PAG1: variants seen among roughly 807,000 people sequenced by gnomAD.
PAG1 encodes the protein phosphoprotein associated with glycosphingolipid-enriched microdomains 1.
A neutral mutation model predicts 31.7 loss-of-function variants in PAG1; 23 were observed. The ratio of observed to expected loss-of-function variants is 0.73; its 90% CI spans 0.52 to 1.03. PAG1 has a LOEUF of 1.03. PAG1 is among the 50% of genes least tolerant of loss of function. The probability of loss-of-function intolerance (pLI) is 0.00; values close to 1 mark genes in which losing one functional copy is unlikely to be tolerated. For missense variants in PAG1, 473 were observed against 540.7 expected, an observed-to-expected ratio of 0.87 and a Z score of 1.24; for synonymous variants, 214 against 210.3, an observed-to-expected ratio of 1.02 and a Z score of -0.15.
At chr8:81,063,856 T>C (rs1009070775) in intron 2 of PAG1, among the ~76,000 whole-genome samples, 1 of 152,008 alleles carries the variant, frequency 6.6e-6, no homozygotes, top group African/African-American at 2.4e-5. Flanking sequence ...GACCCAAGGA[T>C]TATATACCCA....
chr8:81,016,976 C>A (rs1320022338), intron 3 of PAG1, among the ~76,000 whole-genome samples: 1 of 152,202 alleles, frequency 6.6e-6, no homozygotes, highest in Non-Finnish European at 1.5e-5. Flanking sequence ...TCAGTTAAAG[C>A]TCCCAGAAAA....
intron 1 of PAG1, among the ~76,000 whole-genome samples, chr8:81,101,125 T>C (rs749028068): frequency 3.9e-4 from 60 of 152,234 alleles, no homozygotes; most frequent in African/African-American, 1.1e-3. Flanking sequence ...GTAAGTTTAG[T>C]ACATCAGTGT....
chr8:81,105,590 T>G (rs563093813), intron 1 of PAG1, among the ~76,000 whole-genome samples: 11 of 152,124 alleles, frequency 7.2e-5, no homozygotes, highest in African/African-American at 2.2e-4. Context: ...AGAAAAAAAG[T>G]ATTGTGTTAT....
chr8:80,976,827 G>A lies in PAG1; in HGVS notation c.1016C>T (p.Ser339Phe). ...GTCCCCTTGAATGGAGGTGTAGGTGGACTCCGGAACTGTAAGCGACTGCCC... is the reference window on the plus strand; with the variant it reads ...GTCCCCTTGAATGGAGGTGTAGGTGAACTCCGGAACTGTAAGCGACTGCCC... ...KSGQSLTVPE[S>F]TYTSIQGDPQ... The change falls in exon 9 of 9, where the codon TCC (serine) becomes TTC (phenylalanine). Residue 339 changes from serine (S) to phenylalanine (F), a missense_variant. Transcript: ENST00000220597. 1 of 1,613,768 alleles carries A rather than the reference G, an allele frequency of 6.2e-7. No homozygotes were observed. Among genetic ancestry groups the A allele is most frequent in the Non-Finnish European group, 8.5e-7 (1 of 1,179,698 alleles).
Position 80,993,754 on chromosome 8 carries a change from C to T in PAG1, c.-80-447G>A, listed in dbSNP as rs186350588. On this transcript the variant is annotated intron_variant, in intron 3 of 8. Coordinates refer to ENST00000220597, the MANE Select transcript of PAG1 (RefSeq NM_018440.4). ...CCCCACTGCTGGGACTACAGGCATG[C>T]GCCACCATTCCTGGCTAATATTTTT... 6.2e-4 allele frequency among the ~76,000 whole-genome samples: 93 copies of T among 150,758 alleles called. No individual in the cohort carries two copies. In the East Asian group the frequency reaches 0.014, roughly 23 times the overall value.
chr8:81,024,142 C>G (rs1447416908), intron 3 of PAG1, among the ~76,000 whole-genome samples: 1 of 152,186 alleles, frequency 6.6e-6, no homozygotes, highest in East Asian at 1.9e-4. Flanking sequence ...CGTATTTAAG[C>G]TATCATTTTA....
At chr8:81,098,424 TAAAGAA>T (rs1251430008) in intron 1 of PAG1, among the ~76,000 whole-genome samples, 1 of 152,190 alleles carries the variant, frequency 6.6e-6, no homozygotes, top group Non-Finnish European at 1.5e-5. Flanking sequence ...TATCTTTCCT[TAAAGAA>T]AATTTACTCT....
chr8:80,976,671 T>A lies in PAG1; in HGVS notation c.1172A>T (p.Gln391Leu). ...CTTTTCTTCCTCTCTGTTGAGAGTC[T>A]GTATCGCTTCATAATCAGGCTCTGG... Reference protein sequence around the residue: ...EEPEPDYEAIQTLNREEEKAT... With the variant: ...EEPEPDYEAILTLNREEEKAT... The change falls in exon 9 of 9, where the codon CAG becomes CTG. Residue 391 changes from glutamine (Q) to leucine (L), a missense_variant. Coordinates refer to ENST00000220597, the MANE Select transcript of PAG1 (RefSeq NM_018440.4). 6.2e-7 allele frequency: 1 copy of A among 1,614,212 alleles called. No individual in the cohort carries two copies. Among genetic ancestry groups the A allele is most frequent in the Non-Finnish European group, 8.5e-7 (1 of 1,180,028 alleles).
intron 1 of PAG1, among the ~76,000 whole-genome samples, chr8:81,095,809 TCA>T (rs1158122803): frequency 6.6e-6 from 1 of 152,226 alleles, no homozygotes; most frequent in Non-Finnish European, 1.5e-5. Context: ...GGCAAGGTTC[TCA>T]CACTATATGT....
chr8:81,081,048 A>G (rs955499973), intron 1 of PAG1, among the ~76,000 whole-genome samples: 6 of 152,052 alleles, frequency 3.9e-5, no homozygotes, highest in South Asian at 4.1e-4. Context: ...TGGCCTCACT[A>G]CTCATCAGGG....
chr8:81,081,127 G>A (rs1181604106), intron 1 of PAG1, among the ~76,000 whole-genome samples: 4 of 151,772 alleles, frequency 2.6e-5, no homozygotes, highest in African/African-American at 9.7e-5. Flanking sequence ...ACGGTGTTTA[G>A]GAGTTAACAA....
At chr8:81,026,414 G>A (rs1387822022) in intron 3 of PAG1, among the ~76,000 whole-genome samples, 3 of 148,490 alleles carry the variant, frequency 2.0e-5, no homozygotes, top group Non-Finnish European at 3.0e-5. Flanking sequence ...AATTTCCCTC[G>A]ACCGATAAAC....
chr8:81,036,821 G>A (rs886932754), intron 2 of PAG1: 3 of 152,100 alleles, frequency 2.0e-5, no homozygotes, highest in Non-Finnish European at 4.4e-5. Flanking sequence ...AGCCTTTCTG[G>A]TATTTACTGT....
intron 3 of PAG1, among the ~76,000 whole-genome samples, chr8:81,028,458 CA>C (rs1808322815): frequency 6.6e-6 from 1 of 152,178 alleles, no homozygotes; most frequent in African/African-American, 2.4e-5. Context: ...GTACAAAGGG[CA>C]ATATCAAAGC....
chr8:80,996,218 C>T lies in PAG1; in HGVS notation c.-80-2911G>A, dbSNP rs115500939. ...TCCCCGTGGTCGTGGGCAGTGCTGG[C>T]GGGTTGAGTGGCTGCACCAGCAACT... On this transcript the variant is annotated intron_variant, in intron 3 of 8. Coordinates refer to ENST00000220597, the MANE Select transcript of PAG1 (RefSeq NM_018440.4). Among the ~76,000 whole-genome samples, 286 of 152,306 alleles carry T rather than the reference C, an allele frequency of 1.9e-3. 1 individual carries two copies. Among genetic ancestry groups the T allele is most frequent in the African/African-American group, 6.1e-3 (255 of 41,576 alleles).
intron 2 of PAG1, among the ~76,000 whole-genome samples, chr8:81,037,828 T>C (rs915140307): frequency 2.0e-5 from 3 of 152,386 alleles, no homozygotes; most frequent in Admixed American, 6.5e-5. Flanking sequence ...TCCTTGCTTA[T>C]GAATACAATG....
chr8:80,991,506 A>C lies in PAG1; in HGVS notation c.150T>G (p.Ser50Arg). ...CGTTCATCAGGTTCTCATGGTCCCC[A>C]CTATGCTGTCGCGGCTTCTTTTCCC... ...CDREKKPRQH[S>R]GDHENLMNVP... Residue 50 changes from serine (S) to arginine (R), a missense_variant, in exon 5 of 9, where the codon AGT becomes AGG. Coordinates refer to ENST00000220597, the MANE Select transcript of PAG1 (RefSeq NM_018440.4). 1 of 1,613,788 alleles carries C rather than the reference A, an allele frequency of 6.2e-7. No individual in the cohort carries two copies. The highest frequency in any genetic ancestry group is 8.5e-7 in the Non-Finnish European group (1 of 1,179,644).
intron 2 of PAG1, among the ~76,000 whole-genome samples, chr8:81,062,713 A>G (rs1261983380): frequency 2.6e-5 from 4 of 152,252 alleles, no homozygotes; most frequent in Admixed American, 2.6e-4. Flanking sequence ...TTTTGTTTTA[A>G]GAGATGGGGT....
Position 81,063,794 on chromosome 8 carries a change from A to G in PAG1, c.-175+6318T>C, listed in dbSNP as rs969912200. Among the ~76,000 whole-genome samples, 3 of 152,304 alleles carry G rather than the reference A, an allele frequency of 2.0e-5. No homozygotes were observed. In the South Asian group the frequency reaches 6.2e-4, roughly 32 times the overall value. On this transcript the variant is annotated intron_variant, in intron 2 of 8. Transcript: ENST00000220597. ...TATTGGGGAACTTACGGACAGGGGC[A>G]TGGTCTTGGGTAGCCACATGACAAG...
Sources: gnomAD v4.1 joint callset for allele counts (sites outside exome capture counted in the v4.1 genomes callset) on GRCh38, gnomAD v4.1.1 for gene constraint, MANE v1.5 for transcripts, NCBI Gene and HGNC (gene_info 2026-07-23, HGNC 2026-07-21) for gene names.